The following PDE7A variants were observed in gnomAD, a reference collection of about 807,000 sequenced individuals.
PDE7A encodes the protein high affinity 3',5'-cyclic-AMP phosphodiesterase 7A.
PDE7A carries 39 observed loss-of-function variants against 64.3 expected under a neutral mutation model. That is an observed-to-expected ratio of 0.61 (90% CI 0.47 to 0.79). The LOEUF (loss-of-function observed/expected upper bound fraction) is 0.79, where lower values mean the gene tolerates loss of function less well. Ranked by LOEUF, PDE7A falls within the 30% of genes least tolerant of loss-of-function variation. PDE7A has a pLI of 0.00. For missense variants in PDE7A, 470 were observed against 582.8 expected (o/e 0.81, Z 1.99); for synonymous variants, 203 against 206.8 (o/e 0.98, Z 0.16).
chr8:65,720,969 G>A (rs1806352151), intron 12 of PDE7A, among the ~76,000 whole-genome samples: 1 of 152,150 alleles, frequency 6.6e-6, no homozygotes, highest in Non-Finnish European at 1.5e-5. Flanking sequence ...CCCTCTCACT[G>A]TTCCAACTGG....
chr8:65,719,511 G>C lies in PDE7A; in HGVS notation c.1244-16C>G. The stretch of plus-strand genomic sequence containing the variant: ...GTCATAAAACCTTGAGAAAATAGGA[G>C]AAAAAGTTATTAACATATATGCTGA... On this transcript the variant is annotated splice_polypyrimidine_tract_variant and intron_variant, in intron 12 of 12. Transcript: ENST00000401827. 1 of 1,535,306 alleles carries C rather than the reference G, an allele frequency of 6.5e-7. No individual in the cohort carries two copies. Among genetic ancestry groups the C allele is most frequent in the Non-Finnish European group, 9.0e-7 (1 of 1,108,742 alleles).
chr8:65,828,823 C>A (rs904986714), intron 1 of PDE7A, among the ~76,000 whole-genome samples: 2 of 152,004 alleles, frequency 1.3e-5, no homozygotes, highest in Non-Finnish European at 2.9e-5. Flanking sequence ...CTTTTATTTG[C>A]ATTTCCTTTA....
chr8:65,774,012 C>A (rs534968495), intron 3 of PDE7A, among the ~76,000 whole-genome samples: 10 of 152,128 alleles, frequency 6.6e-5, no homozygotes, highest in Non-Finnish European at 1.5e-4. Context: ...TATTGCAATA[C>A]CAAAACATAC....
chr8:65,798,518 T>C (rs1006998542), intron 1 of PDE7A, among the ~76,000 whole-genome samples: 1 of 152,066 alleles, frequency 6.6e-6, no homozygotes, highest in Non-Finnish European at 1.5e-5. Context: ...TGGCCATATT[T>C]AAAAACTCAT....
intron 3 of PDE7A, among the ~76,000 whole-genome samples, chr8:65,776,942 A>G (rs1262133501): frequency 6.6e-6 from 1 of 152,206 alleles, no homozygotes; most frequent in African/African-American, 2.4e-5. Flanking sequence ...CGCAGAAAGA[A>G]TGTTTTAATA....
chr8:65,741,018 A>G (rs1174083761), intron 5 of PDE7A, among the ~76,000 whole-genome samples: 1 of 152,208 alleles, frequency 6.6e-6, no homozygotes, highest in Non-Finnish European at 1.5e-5. Context: ...AAGTGGAGTC[A>G]CACCAAGAAT....
chr8:65,761,072 T>C (rs1470424136), intron 3 of PDE7A, among the ~76,000 whole-genome samples: 1 of 152,082 alleles, frequency 6.6e-6, no homozygotes, highest in East Asian at 1.9e-4. Context: ...TTCTTTTTTT[T>C]TTTTTTAGAC....
chr8:65,745,356 A>G (rs1807627138), intron 5 of PDE7A, 51 bp downstream of exon 5: 1 of 1,015,900 alleles, frequency 9.8e-7, no homozygotes, highest in Non-Finnish European at 1.6e-6. Flanking sequence ...TGCACCATCA[A>G]TGCAGTAATC....
chr8:65,738,831 C>T (rs1414987116), intron 6 of PDE7A, among the ~76,000 whole-genome samples: 2 of 152,186 alleles, frequency 1.3e-5, no homozygotes, highest in African/African-American at 4.8e-5. Context: ...TTTTAGCCTT[C>T]AAAAATTTAG....
intron 11 of PDE7A, among the ~76,000 whole-genome samples, chr8:65,723,931 A>G (rs1033882380): frequency 1.3e-5 from 2 of 152,168 alleles, no homozygotes; most frequent in Non-Finnish European, 2.9e-5. Flanking sequence ...TACACACACA[A>G]AAGTTTTACA....
intron 1 of PDE7A, among the ~76,000 whole-genome samples, chr8:65,838,280 A>C (rs1055553508): frequency 3.9e-5 from 6 of 152,328 alleles, no homozygotes; most frequent in South Asian, 2.1e-4. Flanking sequence ...TTCTGCCTTC[A>C]CAATATTTTT....
At chr8:65,747,625 A>G in intron 4 of PDE7A, 27 bp downstream of exon 4, 1 of 1,476,118 alleles carries the variant, frequency 6.8e-7, no homozygotes, top group Non-Finnish European at 9.3e-7. Flanking sequence ...CAAAAAATTA[A>G]TGTTTTCTTA....
chr8:65,760,490 C>A (rs908641080), intron 3 of PDE7A, among the ~76,000 whole-genome samples: 1 of 152,162 alleles, frequency 6.6e-6, no homozygotes, highest in Non-Finnish European at 1.5e-5. Context: ...AATAGGAGTG[C>A]ACTTCAATAG....
chr8:65,730,164 C>T (rs1009595060), intron 7 of PDE7A, among the ~76,000 whole-genome samples: 4 of 95,018 alleles, frequency 4.2e-5, no homozygotes, highest in Admixed American at 2.3e-4. Context: ...ATCCAGGTTG[C>T]GCACTTCTTT....
Position 65,717,078 on chromosome 8 carries a change from T to C in PDE7A, c.*2212A>G, listed in dbSNP as rs939340422. On this transcript the variant is annotated 3_prime_UTR_variant, in exon 13 of 13. Transcript: ENST00000401827. ...TTTTTATATTGACATTTTAAAGTGA[T>C]ACAATATTTTGGACGTATTGGAATA... is the stretch of plus-strand genomic sequence containing the variant. 1.3e-5 allele frequency among the ~76,000 whole-genome samples: 2 copies of C among 152,146 alleles called. No homozygotes were observed. Among genetic ancestry groups the C allele is most frequent in the Non-Finnish European group, 2.9e-5 (2 of 68,036 alleles).
chr8:65,729,589 A>C (rs1181669161), intron 7 of PDE7A, among the ~76,000 whole-genome samples: 2 of 151,902 alleles, frequency 1.3e-5, no homozygotes, highest in Non-Finnish European at 2.9e-5. Context: ...TTTTTGTGAC[A>C]GAGTCTTGCT....
At chr8:65,838,256 G>A (rs942054568) in intron 1 of PDE7A, among the ~76,000 whole-genome samples, 10 of 152,114 alleles carry the variant, frequency 6.6e-5, no homozygotes, top group African/African-American at 2.4e-4. Context: ...ATATGATGGT[G>A]AATAAGACAC....
chr8:65,804,925 C>T (rs149408502), intron 1 of PDE7A, among the ~76,000 whole-genome samples: 20 of 152,226 alleles, frequency 1.3e-4, no homozygotes, highest in Admixed American at 3.9e-4. Context: ...GCAGCCATGA[C>T]CTCCTAGGCT....
rs1202223657 is a variant in PDE7A, at chr8:65,747,639, A to G, written c.435+13T>C. On this transcript the variant is annotated intron_variant, in intron 4 of 12. Coordinates refer to ENST00000401827, the MANE Select transcript of PDE7A (RefSeq NM_001242318.3). ...TCAAAAAATTAATGTTTTCTTAAAA[A>G]AACTATACACACCTTGGCTTGTCCA... 6.4e-7 allele frequency: 1 copy of G among 1,564,420 alleles called. No individual in the cohort carries two copies. Among genetic ancestry groups the G allele is most frequent in the Admixed American group, 1.8e-5 (1 of 54,340 alleles).
Sources: gnomAD v4.1 joint callset for allele counts (sites outside exome capture counted in the v4.1 genomes callset) on GRCh38, gnomAD v4.1.1 for gene constraint, MANE v1.5 for transcripts, NCBI Gene and HGNC (gene_info 2026-07-23, HGNC 2026-07-21) for gene names.